MYPN: variants seen among roughly 807,000 people sequenced by gnomAD.
MYPN encodes the protein sarcomeric protein myopalladin, 145 kDa (MYOP).
Under a neutral mutation model 129.4 loss-of-function variants are expected in MYPN, and 63 were observed. That is an observed-to-expected ratio of 0.49 (90% CI 0.40 to 0.60). The LOEUF (loss-of-function observed/expected upper bound fraction) is 0.60, where lower values mean the gene tolerates loss of function less well. Ranked by LOEUF, MYPN falls within the 20% of genes least tolerant of loss-of-function variation. The pLI, the probability that MYPN is intolerant of heterozygous loss-of-function variation, is 0.00. For synonymous variants in MYPN, 629 were observed against 600.9 expected (o/e 1.05, Z -0.68); for missense variants, 1,596 against 1,635.4 (o/e 0.98, Z 0.42).
At chr10:68,191,574 A>C (rs2043514319) in intron 13 of MYPN, among the ~76,000 whole-genome samples, 1 of 152,130 alleles carries the variant, frequency 6.6e-6, no homozygotes, top group Admixed American at 6.6e-5. Context: ...ATTGCGTTGA[A>C]TCTGTATATC....
chr10:68,206,959 T>G, intron 19 of MYPN, 56 bp downstream of exon 19: 1 of 1,606,352 alleles, frequency 6.2e-7, no homozygotes, highest in Non-Finnish European at 8.5e-7. Context: ...TTAAAAATAT[T>G]TTTTTAAAGA....
chr10:68,206,807 AT>A lies in MYPN; in HGVS notation c.3699del (p.Gln1234SerfsTer81). On this transcript the variant is annotated frameshift_variant, in exon 19 of 20. Coordinates refer to ENST00000358913, the MANE Select transcript of MYPN (RefSeq NM_032578.4). LOFTEE classifies it high-confidence loss of function. The stretch of plus-strand genomic sequence containing the variant: ...CACAACAGGGTATGCCTGCCTTCTC[AT>A]TCAGCCAGCCAAGAAATCAGACGCT... ...QDTTGYACLLIQPAKKSDAGW... is the reference protein window; with the variant it reads ...QDTTGYACLLXQPAKKSDAGW... 1 of 1,614,170 alleles carries A rather than the reference AT, an allele frequency of 6.2e-7. No individual in the cohort carries two copies. The highest frequency in any genetic ancestry group is 1.7e-5 in the Admixed American group (1 of 60,018).
At chr10:68,177,471 T>A (rs890175173) in intron 12 of MYPN, among the ~76,000 whole-genome samples, 1 of 152,212 alleles carries the variant, frequency 6.6e-6, no homozygotes, top group Admixed American at 6.5e-5. Flanking sequence ...CTGTCTGAGA[T>A]GGAATGCTTG....
At position 68,199,354 on chromosome 10, in the gene MYPN, CTGT is replaced by C. The variant is rs2043668374; in HGVS notation, c.3286-9_3286-7del. On this transcript the variant is annotated splice_polypyrimidine_tract_variant and intron_variant, in intron 16 of 19. Coordinates refer to ENST00000358913, the MANE Select transcript of MYPN (RefSeq NM_032578.4). ...TCATCAGTCATGTGCCTCAGCTGTT[CTGT>C]TGTTTATTAGGTGAGTGGTTTACCG... is the stretch of plus-strand genomic sequence containing the variant. 6.2e-7 allele frequency: 1 copy of C among 1,613,018 alleles called. No homozygotes were observed. The highest frequency in any genetic ancestry group is 1.7e-5 in the Admixed American group (1 of 59,976).
At chr10:68,101,130 T>C (rs529824178), upstream of MYPN, among the ~76,000 whole-genome samples, 1 of 152,328 alleles carries the variant, frequency 6.6e-6, no homozygotes, top group African/African-American at 2.4e-5. Context: ...AAGAAAAATT[T>C]TGTATAGCTT....
At chr10:68,108,681 T>A (rs1315683055), upstream of MYPN, among the ~76,000 whole-genome samples, 1 of 152,176 alleles carries the variant, frequency 6.6e-6, no homozygotes, top group Non-Finnish European at 1.5e-5. Context: ...TACTAAGCAA[T>A]CAGGTTAACT....
intron 10 of MYPN, among the ~76,000 whole-genome samples, chr10:68,167,903 AAC>A (rs2134173503): frequency 6.6e-6 from 1 of 152,330 alleles, no homozygotes; most frequent in African/African-American, 2.4e-5. Flanking sequence ...GGGTAAACCA[AAC>A]ACAACCAAAT....
intron 1 of MYPN, among the ~76,000 whole-genome samples, chr10:68,113,104 G>T (rs1280380849): frequency 6.6e-6 from 1 of 152,042 alleles, no homozygotes; most frequent in Non-Finnish European, 1.5e-5. Context: ...AAGCATTCTG[G>T]GCATATTAAT....
At chr10:68,161,966 C>A in intron 8 of MYPN, 1 of 425,620 alleles carries the variant, frequency 2.3e-6, no homozygotes, top group South Asian at 3.3e-5. Context: ...AGTTCAAGAC[C>A]AGCCTGGCCT....
Position 68,199,231 on chromosome 10 carries a change from C to T in MYPN, c.3286-137C>T, listed in dbSNP as rs576453731. ...TTCAGACTCTTCGTTTCTCTCGATG[C>T]CCCTACAGAGAGGTTTCTCATCACT... On this transcript the variant is annotated intron_variant, in intron 16 of 19. Transcript: ENST00000358913. 3.7e-6 allele frequency: 3 copies of T among 807,092 alleles called. No homozygotes were observed. In the South Asian group the frequency reaches 4.4e-5, roughly 12 times the overall value. 50.0% of individuals were successfully genotyped at this position (807,092 alleles called of 1,614,324 possible).
chr10:68,187,692 A>G (rs1056137179), intron 12 of MYPN, among the ~76,000 whole-genome samples: 1 of 152,194 alleles, frequency 6.6e-6, no homozygotes, highest in African/African-American at 2.4e-5. Context: ...GCTTGGAGAT[A>G]TGGATTTGGG....
intron 19 of MYPN, among the ~76,000 whole-genome samples, chr10:68,208,752 C>T (rs2043857544): frequency 6.6e-6 from 1 of 152,116 alleles, no homozygotes; most frequent in South Asian, 2.1e-4. Flanking sequence ...ATGGAGGACG[C>T]GTGGAGGACT....
In MYPN at chr10:68,175,344, G is replaced by T; in HGVS notation, c.2586G>T (p.Lys862Asn). ...APSMPSQGLA[K>N]KNTKSPQPVN... is the part of the protein sequence containing the mutation. ...ACAGGCCATCCCAGGGATTAGCGAA[G>T]AAAAATACAAAGTCTCCTCAACCAG... The change falls in exon 12 of 20, where the codon AAG (lysine) becomes AAT (asparagine). Residue 862 changes from lysine to asparagine, a missense_variant. By Grantham distance (94) the Lys-to-Asn change is moderately conservative. Transcript: ENST00000358913. The T allele has an allele frequency of 6.2e-7, 1 of 1,613,974 alleles. No individual in the cohort carries two copies. Among genetic ancestry groups the T allele is most frequent in the South Asian group, 1.1e-5 (1 of 91,074 alleles).
At position 68,143,241 on chromosome 10, in the gene MYPN, G is replaced by A. The variant is rs2634712; in HGVS notation, c.1078+126G>A. 0.012 allele frequency: 10,294 copies of A among 849,062 alleles called. 676 individuals carry two copies. In the African/African-American group the frequency reaches 0.15, roughly 13 times the overall value. 52.6% of individuals were successfully genotyped at this position (849,062 alleles called of 1,614,324 possible). ...GGCAATGAGGATACAGCAGTGAACC[G>A]AGTAGAACAAAAATACTTAGGCTCA... On this transcript the variant is annotated intron_variant, in intron 3 of 19. Transcript: ENST00000358913.
chr10:68,202,110 C>A (rs60211602), intron 18 of MYPN, 116 bp downstream of exon 18: 3 of 1,223,456 alleles, frequency 2.5e-6, no homozygotes, highest in African/African-American at 3.0e-5. Flanking sequence ...AATGCATTTG[C>A]GTTTCATTGA....
chr10:68,102,453 T>G (rs1365381564), upstream of MYPN, among the ~76,000 whole-genome samples: 1 of 152,134 alleles, frequency 6.6e-6, no homozygotes, highest in Non-Finnish European at 1.5e-5. Context: ...TATTACTTTC[T>G]CCCAAAATGT....
chr10:68,182,709 C>G (rs766620754), intron 12 of MYPN, among the ~76,000 whole-genome samples: 14 of 151,724 alleles, frequency 9.2e-5, no homozygotes, highest in African/African-American at 3.4e-4. Flanking sequence ...GGTTTCACCC[C>G]ATTGGACTGG....
At chr10:68,205,672 G>A (rs1301193129) in intron 18 of MYPN, among the ~76,000 whole-genome samples, 1 of 152,084 alleles carries the variant, frequency 6.6e-6, no homozygotes, top group Non-Finnish European at 1.5e-5. Flanking sequence ...GGGCAACAGA[G>A]CAAGACTCTG....
intron 2 of MYPN, among the ~76,000 whole-genome samples, chr10:68,133,007 A>G (rs932601477): frequency 6.7e-5 from 10 of 148,966 alleles, no homozygotes; most frequent in South Asian, 2.1e-4. Flanking sequence ...ATAGAATGCC[A>G]TGTGTAGACC....
Sources: gnomAD v4.1 joint callset for allele counts (sites outside exome capture counted in the v4.1 genomes callset) on GRCh38, gnomAD v4.1.1 for gene constraint, MANE v1.5 for transcripts, NCBI Gene and HGNC (gene_info 2026-07-23, HGNC 2026-07-21) for gene names.